The following LY96 variants were observed in gnomAD, a reference collection of about 807,000 sequenced individuals.
LY96 encodes the protein myeloid differentiation protein-2.
A neutral mutation model predicts 18.9 loss-of-function variants in LY96; 18 were observed. That is an observed-to-expected ratio of 0.95 (90% CI 0.66 to 1.41). The LOEUF is 1.41. Among genes scored for constraint, LY96 ranks in the 40% most tolerant of loss-of-function variants. The probability of loss-of-function intolerance (pLI) is 0.00; values close to 1 mark genes in which losing one functional copy is unlikely to be tolerated. For synonymous variants in LY96, 66 were observed against 62.6 expected (o/e 1.06, Z -0.26); for missense variants, 175 against 182.4 (o/e 0.96, Z 0.23).
chr8:74,075,060 G>C, the LY96 span, among the ~76,000 whole-genome samples: 4,496 of 152,242 alleles, frequency 0.03, 218 homozygotes, highest in African/African-American at 0.1. Context: ...TCTGGAAGAT[G>C]TGTCCGATGC....
At chr8:74,078,553 T>C in the LY96 span, among the ~76,000 whole-genome samples, 8,242 of 152,226 alleles carry the variant, frequency 0.054, 709 homozygotes, top group African/African-American at 0.18. Context: ...GTTGGGATTC[T>C]AAGTTAGGTT....
intron 3 of LY96, among the ~76,000 whole-genome samples, chr8:74,012,118 A>G (rs1005558216): frequency 6.6e-6 from 1 of 152,206 alleles, no homozygotes; most frequent in African/African-American, 2.4e-5. Flanking sequence ...AGTCTATGGA[A>G]AGCAATATGG....
chr8:74,046,529 C>T, the LY96 span, among the ~76,000 whole-genome samples: 2 of 152,100 alleles, frequency 1.3e-5, no homozygotes, highest in African/African-American at 4.8e-5. Context: ...CCAAAAGGTA[C>T]TCTTCTGTGT....
At chr8:74,073,199 C>T in the LY96 span, among the ~76,000 whole-genome samples, 8 of 152,252 alleles carry the variant, frequency 5.3e-5, 1 homozygote, top group African/African-American at 1.7e-4. Flanking sequence ...GGTCCTTTAT[C>T]GAGAACCTAA....
the LY96 span, among the ~76,000 whole-genome samples, chr8:74,070,737 T>TAAAA: frequency 0.015 from 2,281 of 151,334 alleles, 53 homozygotes; most frequent in African/African-American, 0.052. Context: ...CTTGCTTTTT[T>TAAAA]AAAAAAAAAT....
intron 3 of LY96, among the ~76,000 whole-genome samples, chr8:74,017,736 T>G (rs372824547): frequency 6.6e-6 from 1 of 152,172 alleles, no homozygotes; most frequent in Admixed American, 6.5e-5. Context: ...AAGAGAGTGG[T>G]GGCCAATATT....
At chr8:73,991,992 C>T (rs1816014122) in intron 1 of LY96, among the ~76,000 whole-genome samples, 2 of 152,168 alleles carry the variant, frequency 1.3e-5, no homozygotes, top group Admixed American at 1.3e-4. Context: ...GAATCATCCC[C>T]CTCACTGGAT....
the LY96 span, among the ~76,000 whole-genome samples, chr8:74,098,100 G>T: frequency 1.3e-5 from 2 of 152,152 alleles, no homozygotes; most frequent in Admixed American, 6.5e-5. Flanking sequence ...CAATTACTGT[G>T]TACCTCTGGG....
chr8:74,035,435 T>C, the LY96 span, among the ~76,000 whole-genome samples: 3 of 152,172 alleles, frequency 2.0e-5, no homozygotes, highest in East Asian at 5.8e-4. Context: ...CCATCGATGT[T>C]GCCTCTGGCA....
At chr8:74,056,544 G>A in the LY96 span, 1 of 160,998 alleles carries the variant, frequency 6.2e-6, no homozygotes. Flanking sequence ...AACTCAGGGA[G>A]CTTCACGGTG....
chr8:74,060,489 G>A, the LY96 span, among the ~76,000 whole-genome samples: 1 of 152,214 alleles, frequency 6.6e-6, no homozygotes. Context: ...CACCTAGACA[G>A]TGAACTCCTA....
At chr8:74,068,358 C>T in the LY96 span, among the ~76,000 whole-genome samples, 1 of 152,108 alleles carries the variant, frequency 6.6e-6, no homozygotes, top group African/African-American at 2.4e-5. Context: ...TAAAGATACA[C>T]TATTCATTTA....
At chr8:74,060,030 TCAGGGGGCTGAGGTGAGAGCC>T in the LY96 span, among the ~76,000 whole-genome samples, 8 of 152,084 alleles carry the variant, frequency 5.3e-5, no homozygotes, top group East Asian at 1.9e-4. Flanking sequence ...TCCCAGCTAC[TCAGGGGGCTGAGGTGAGAGCC>T]CAGGGGGCTG....
At chr8:74,051,055 T>C in the LY96 span, among the ~76,000 whole-genome samples, 1 of 152,098 alleles carries the variant, frequency 6.6e-6, no homozygotes, top group African/African-American at 2.4e-5. Flanking sequence ...ACCCATAAGA[T>C]ACTATTAGTA....
At chr8:74,019,121 A>G (rs1442535242) in intron 3 of LY96, among the ~76,000 whole-genome samples, 5 of 152,226 alleles carry the variant, frequency 3.3e-5, no homozygotes, top group Admixed American at 3.3e-4. Context: ...TCAAAAAATC[A>G]ATGAATCCAG....
chr8:74,096,860 G>T, the LY96 span, among the ~76,000 whole-genome samples: 4 of 152,136 alleles, frequency 2.6e-5, no homozygotes, highest in Admixed American at 2.6e-4. Context: ...TTGATCGGGG[G>T]AGACCTCACT....
intron 3 of LY96, among the ~76,000 whole-genome samples, chr8:74,018,427 T>A (rs939465310): frequency 1.9e-4 from 29 of 152,156 alleles, no homozygotes; most frequent in Middle Eastern, 3.4e-3. Flanking sequence ...ATAAAGCAAG[T>A]CCTTAGAGAC....
the LY96 span, among the ~76,000 whole-genome samples, chr8:74,060,616 C>A: frequency 6.6e-6 from 1 of 152,318 alleles, no homozygotes; most frequent in Non-Finnish European, 1.5e-5. Context: ...AATGAATAAA[C>A]CTGAGTCCCT....
At position 74,010,106 on chromosome 8, in the gene LY96, C is replaced by T; in HGVS notation, c.308C>T (p.Ser103Phe). ...TGCCGAGGATCTGATGACGATTACT[C>T]TTTTTGCAGAGCTCTGAAGGGAGGT... ...VICRGSDDDY[S>F]FCRALKGETV... is the part of the protein sequence containing the mutation. The change falls in exon 3 of 5, where the codon TCT becomes TTT. Residue 103 changes from serine (S) to phenylalanine (F), a missense_variant. Physicochemically the swap from Ser to Phe is radical, Grantham distance 155 (BLOSUM62 -2). Coordinates refer to ENST00000284818, the MANE Select transcript of LY96 (RefSeq NM_015364.5). 1 of 1,613,262 alleles carries T rather than the reference C, an allele frequency of 6.2e-7. No homozygotes were observed. Among genetic ancestry groups the T allele is most frequent in the Non-Finnish European group, 8.5e-7 (1 of 1,179,436 alleles).
Sources: gnomAD v4.1 joint callset for allele counts (sites outside exome capture counted in the v4.1 genomes callset) on GRCh38, gnomAD v4.1.1 for gene constraint, MANE v1.5 for transcripts, NCBI Gene and HGNC (gene_info 2026-07-23, HGNC 2026-07-21) for gene names.